CCDC144A: variants seen among roughly 807,000 people sequenced by gnomAD.
CCDC144A encodes coiled-coil domain-containing protein 144A.
Under a neutral mutation model 143.8 loss-of-function variants are expected in CCDC144A, and 41 were observed. That is an observed-to-expected ratio of 0.29 (90% CI 0.22 to 0.37). CCDC144A has a LOEUF of 0.37. CCDC144A is among the 10% of genes least tolerant of loss of function. CCDC144A has a pLI of 1.00. For missense variants in CCDC144A, 637 were observed against 1,488.8 expected (o/e 0.43, Z 9.41); for synonymous variants, 242 against 517.9 (o/e 0.47, Z 7.23).
At chr17:16,693,549 T>G (rs1911223355) in intron 2 of CCDC144A, among the ~76,000 whole-genome samples, 1 of 152,156 alleles carries the variant, frequency 6.6e-6, no homozygotes, top group Non-Finnish European at 1.5e-5. Context: ...TCTCCTGACC[T>G]CATGATCCAT....
chr17:16,673,713 T>A, the CCDC144A span, among the ~76,000 whole-genome samples: 1 of 152,160 alleles, frequency 6.6e-6, no homozygotes, highest in African/African-American at 2.4e-5. Context: ...TAAAATTTTA[T>A]ACTATCGTTT....
chr17:16,684,003 A>G, the CCDC144A span: 3 of 977,110 alleles, frequency 3.1e-6, no homozygotes, highest in Non-Finnish European at 5.0e-6. Flanking sequence ...CAGACAAACC[A>G]AAGAGCGGAA....
chr17:16,758,550 T>G (rs1425094160), intron 12 of CCDC144A, among the ~76,000 whole-genome samples: 5 of 152,188 alleles, frequency 3.3e-5, no homozygotes, highest in Admixed American at 3.3e-4. Flanking sequence ...AAAATGGGAG[T>G]CACAAAGGGA....
At chr17:16,753,619 T>C (rs1371821898) in intron 12 of CCDC144A, among the ~76,000 whole-genome samples, 4 of 151,988 alleles carry the variant, frequency 2.6e-5, no homozygotes, top group African/African-American at 9.7e-5. Flanking sequence ...TGTATGCTGA[T>C]TTTGTGGCCT....
chr17:16,738,662 C>G, intron 12 of CCDC144A, among the ~76,000 whole-genome samples: 1 of 152,324 alleles, frequency 6.6e-6, no homozygotes, highest in South Asian at 2.1e-4. Flanking sequence ...ACTGTATGGA[C>G]ATACCACTAA....
intron 9 of CCDC144A, among the ~76,000 whole-genome samples, chr17:16,728,136 C>T (rs1290423661): frequency 6.6e-6 from 1 of 152,196 alleles, no homozygotes; most frequent in African/African-American, 2.4e-5. Context: ...CAGCCTTGAA[C>T]TCCATCCTCC....
In CCDC144A at chr17:16,762,495, A is replaced by G. The variant is rs1349748612; in HGVS notation, c.3849A>G (p.Glu1283=). 1 of 1,594,906 alleles carries G rather than the reference A, an allele frequency of 6.3e-7. No individual in the cohort carries two copies. The highest frequency in any genetic ancestry group is 2.3e-5 in the East Asian group (1 of 43,738). The change falls in exon 14 of 17, where the codon GAA becomes GAG. Residue 1283 remains glutamate, a synonymous_variant. Transcript: ENST00000399273. ...LERYKELYLE[E]VKVRESLSNE... ...GATATAAGGAACTCTACCTAGAAGA[A>G]GTGAAAGTTAGAGAATCCTTGTCAA...
chr17:16,733,315 C>T (rs1249438486), intron 11 of CCDC144A, among the ~76,000 whole-genome samples: 2 of 141,514 alleles, frequency 1.4e-5, no homozygotes, highest in East Asian at 2.1e-4. Flanking sequence ...TCCTGGCTAA[C>T]GCGGTGAAAC....
intron 12 of CCDC144A, among the ~76,000 whole-genome samples, chr17:16,744,557 T>A (rs1310983055): frequency 2.0e-5 from 3 of 152,152 alleles, no homozygotes; most frequent in Admixed American, 1.3e-4. Flanking sequence ...TATATTTTTT[T>A]AAATTCTTGT....
At chr17:16,771,023 C>G (rs1326143415) in intron 15 of CCDC144A, among the ~76,000 whole-genome samples, 1 of 152,142 alleles carries the variant, frequency 6.6e-6, no homozygotes, top group Non-Finnish European at 1.5e-5. Context: ...CCTAAAATTT[C>G]TAAAGGCATT....
Position 16,770,159 on chromosome 17 carries a change from A to G in CCDC144A, c.4099-1818A>G, listed in dbSNP as rs146796846. ...TTATTTTTTTATTTTTATTATTATT[A>G]TTATTTTTGATGCGGAGTCTGACTC... On this transcript the variant is annotated intron_variant, in intron 15 of 16. Transcript: ENST00000399273. Among the ~76,000 whole-genome samples the G allele has an allele frequency of 7.0e-3, 1,024 of 145,948 alleles. 11 individuals carry two copies. The highest frequency in any genetic ancestry group is 0.025 in the African/African-American group (978 of 38,976).
the CCDC144A span, among the ~76,000 whole-genome samples, chr17:16,678,888 A>G: frequency 6.7e-6 from 1 of 150,120 alleles, no homozygotes; most frequent in Admixed American, 6.7e-5. Context: ...CCAAGTAGCT[A>G]GGATTACAGG....
the CCDC144A span, among the ~76,000 whole-genome samples, chr17:16,678,660 A>G: frequency 6.9e-6 from 1 of 144,746 alleles, no homozygotes; most frequent in Admixed American, 7.1e-5. Flanking sequence ...AGCTCACTGC[A>G]GCCTTGACCT....
At chr17:16,753,428 G>GTTTTTTTTTTTTTTTTTTTTTTTTT in intron 12 of CCDC144A, among the ~76,000 whole-genome samples, 12 of 57,366 alleles carry the variant, frequency 2.1e-4, no homozygotes, top group Admixed American at 5.9e-4. Flanking sequence ...GTGTTTTGTA[G>GTTTTTTTTTTTTTTTTTTTTTTTTT]TTTTTTTTTT....
intron 6 of CCDC144A, among the ~76,000 whole-genome samples, chr17:16,717,467 A>G (rs1261434854): frequency 6.6e-6 from 1 of 152,048 alleles, no homozygotes; most frequent in Non-Finnish European, 1.5e-5. Flanking sequence ...TGTGTTTTAC[A>G]CTTTTCCTTT....
At chr17:16,709,723 G>A in intron 5 of CCDC144A, 88 bp downstream of exon 5, 5 of 1,486,194 alleles carry the variant, frequency 3.4e-6, no homozygotes, top group Non-Finnish European at 3.6e-6. Context: ...CATATGAAAA[G>A]CATACAGTTT....
At chr17:16,711,154 A>AAAAAAAAAAC (rs1261984842) in intron 5 of CCDC144A, among the ~76,000 whole-genome samples, 1 of 142,462 alleles carries the variant, frequency 7.0e-6, no homozygotes, top group African/African-American at 2.6e-5. Context: ...AAAAAAAAAA[A>AAAAAAAAAAC]AAAACAAAAG....
At chr17:16,711,620 A>T (rs1305603244) in intron 5 of CCDC144A, 59 bp from the exon 6 acceptor site, 1 of 1,608,334 alleles carries the variant, frequency 6.2e-7, no homozygotes, top group African/African-American at 1.3e-5. Flanking sequence ...AACAGAAAAA[A>T]GTTCTTTGTA....
At position 16,690,697 on chromosome 17, in the gene CCDC144A, C is replaced by T. The variant is rs770939714; in HGVS notation, c.297C>T (p.Ile99=). Residue 99 remains isoleucine (I), a synonymous_variant, in exon 1 of 17, where the codon ATC becomes ATT. Transcript: ENST00000399273. ...GCGACGTCCCTGGGGTGGAGCACAT[C>T]TTAGCTCCTGGAGACACTGGCGTGG... The part of the protein sequence containing the change: ...RSGDVPGVEH[I]LAPGDTGVDK... 1.5e-5 allele frequency: 25 copies of T among 1,613,510 alleles called. No homozygotes were observed. The East Asian group carries it at 3.3e-4, about 22-fold the overall frequency.
Sources: gnomAD v4.1 joint callset for allele counts (sites outside exome capture counted in the v4.1 genomes callset) on GRCh38, gnomAD v4.1.1 for gene constraint, MANE v1.5 for transcripts, NCBI Gene and HGNC (gene_info 2026-07-23, HGNC 2026-07-21) for gene names.